PABPC4L: variants seen among roughly 807,000 people sequenced by gnomAD.
PABPC4L encodes polyadenylate-binding protein 4-like.
For missense variants in PABPC4L, 452 were observed against 451.4 expected (o/e 1.00, Z -0.01); for synonymous variants, 169 against 164.1 (o/e 1.03, Z -0.23).
the PABPC4L span, among the ~76,000 whole-genome samples, chr4:134,168,018 A>AAAGAT: frequency 6.6e-6 from 1 of 152,062 alleles, no homozygotes; most frequent in East Asian, 1.9e-4. Context: ...AAACATTCTC[A>AAAGAT]AAGATAGTAT....
the PABPC4L span, among the ~76,000 whole-genome samples, chr4:134,095,285 A>G: frequency 6.6e-6 from 1 of 151,922 alleles, no homozygotes; most frequent in African/African-American, 2.4e-5. Flanking sequence ...TTTCAAAAAT[A>G]TTTGCCATAG....
At chr4:134,150,873 A>T in the PABPC4L span, among the ~76,000 whole-genome samples, 1 of 152,180 alleles carries the variant, frequency 6.6e-6, no homozygotes, top group East Asian at 1.9e-4. Flanking sequence ...TATAAACTCA[A>T]AATATCTCAA....
chr4:134,131,789 G>A, the PABPC4L span, among the ~76,000 whole-genome samples: 3 of 142,936 alleles, frequency 2.1e-5, no homozygotes, highest in Non-Finnish European at 3.0e-5. Context: ...CAATTCTGGA[G>A]GCATTATATT....
At chr4:133,963,537 A>T in the PABPC4L span, among the ~76,000 whole-genome samples, 1 of 152,054 alleles carries the variant, frequency 6.6e-6, no homozygotes, top group African/African-American at 2.4e-5. Flanking sequence ...CCAGAGAATA[A>T]ACATGCTATT....
At chr4:134,167,731 G>C in the PABPC4L span, among the ~76,000 whole-genome samples, 1 of 151,858 alleles carries the variant, frequency 6.6e-6, no homozygotes, top group African/African-American at 2.4e-5. Context: ...AACTCACTAA[G>C]AGTATGTAAC....
chr4:134,034,090 A>G, the PABPC4L span, among the ~76,000 whole-genome samples: 1 of 151,970 alleles, frequency 6.6e-6, no homozygotes. Flanking sequence ...CCATCTAGCC[A>G]CTTTAAGCTG....
the PABPC4L span, among the ~76,000 whole-genome samples, chr4:134,019,224 A>C: frequency 6.6e-6 from 1 of 152,184 alleles, no homozygotes. Flanking sequence ...GGGCATTAGC[A>C]TTCATTGGAT....
At chr4:134,054,867 A>G in the PABPC4L span, among the ~76,000 whole-genome samples, 1 of 152,008 alleles carries the variant, frequency 6.6e-6, no homozygotes, top group Admixed American at 6.6e-5. Context: ...ATACAATTTC[A>G]TTTCTTTGGG....
chr4:134,131,803 C>G, the PABPC4L span, among the ~76,000 whole-genome samples: 1 of 140,654 alleles, frequency 7.1e-6, no homozygotes, highest in Non-Finnish European at 1.5e-5. Flanking sequence ...TTATATTACT[C>G]AACTTCACAC....
the PABPC4L span, among the ~76,000 whole-genome samples, chr4:134,090,469 A>T: frequency 6.6e-6 from 1 of 152,056 alleles, no homozygotes; most frequent in East Asian, 1.9e-4. Context: ...ACTATTCATT[A>T]AAAAGGCTGT....
chr4:133,997,019 T>C, the PABPC4L span, among the ~76,000 whole-genome samples: 2 of 152,222 alleles, frequency 1.3e-5, no homozygotes, highest in Non-Finnish European at 2.9e-5. Flanking sequence ...TGCCTTCAGC[T>C]TAATCCTCTC....
chr4:134,111,795 C>G, the PABPC4L span, among the ~76,000 whole-genome samples: 8 of 152,020 alleles, frequency 5.3e-5, no homozygotes, highest in African/African-American at 1.9e-4. Context: ...GATTGTGAGG[C>G]CTCCCCAGCC....
chr4:134,024,758 G>T, the PABPC4L span, among the ~76,000 whole-genome samples: 1 of 146,038 alleles, frequency 6.8e-6, no homozygotes, highest in African/African-American at 2.5e-5. Flanking sequence ...TTTTTAATAA[G>T]TTCTTATTGA....
At chr4:134,196,094 T>A (rs1041731064), downstream of PABPC4L, among the ~76,000 whole-genome samples, 1 of 151,528 alleles carries the variant, frequency 6.6e-6, no homozygotes, top group African/African-American at 2.4e-5. Flanking sequence ...TTCAGAAATG[T>A]CTTTAAAATA....
At chr4:134,135,625 A>C in the PABPC4L span, among the ~76,000 whole-genome samples, 1 of 152,046 alleles carries the variant, frequency 6.6e-6, no homozygotes, top group East Asian at 1.9e-4. Flanking sequence ...TGAGGTCGGG[A>C]GTTTGAGACC....
chr4:134,181,771 A>T, the PABPC4L span, among the ~76,000 whole-genome samples: 4 of 151,956 alleles, frequency 2.6e-5, no homozygotes, highest in African/African-American at 9.7e-5. Flanking sequence ...TCCATTCACA[A>T]TTGCCACAAA....
chr4:134,159,287 A>T, the PABPC4L span, among the ~76,000 whole-genome samples: 52 of 152,292 alleles, frequency 3.4e-4, no homozygotes, highest in Non-Finnish European at 7.1e-4. Context: ...ACCCCCCTGT[A>T]GGAACACCCA....
At chr4:134,009,992 A>C in the PABPC4L span, among the ~76,000 whole-genome samples, 4 of 151,962 alleles carry the variant, frequency 2.6e-5, no homozygotes, top group African/African-American at 9.7e-5. Flanking sequence ...AAGCTCAGCT[A>C]ATGACGGTAT....
At chr4:134,175,470 A>T in the PABPC4L span, among the ~76,000 whole-genome samples, 1 of 151,974 alleles carries the variant, frequency 6.6e-6, no homozygotes, top group Non-Finnish European at 1.5e-5. Flanking sequence ...TTAATTTGAG[A>T]CAGGGTCTCG....
Sources: gnomAD v4.1 joint callset for allele counts (sites outside exome capture counted in the v4.1 genomes callset) on GRCh38, gnomAD v4.1.1 for gene constraint, MANE v1.5 for transcripts, NCBI Gene and HGNC (gene_info 2026-07-23, HGNC 2026-07-21) for gene names.